Variants in SAMD12 observed in about 807,000 individuals in gnomAD.
The protein encoded by SAMD12 is sterile alpha motif domain containing 12, also known as sterile alpha motif domain-containing protein 12.
A neutral mutation model predicts 15.0 loss-of-function variants in SAMD12; 9 were observed. The observed-to-expected ratio is 0.60, with a 90% CI of 0.36 to 1.05. The LOEUF (loss-of-function observed/expected upper bound fraction) is 1.05, where lower values mean the gene tolerates loss of function less well. Among genes scored for constraint, SAMD12 ranks in the 50% least tolerant of loss-of-function variants. The probability of loss-of-function intolerance (pLI) is 0.01; values close to 1 mark genes in which losing one functional copy is unlikely to be tolerated. For missense variants in SAMD12, 230 were observed against 234.2 expected (o/e 0.98, Z 0.12); for synonymous variants, 86 against 90.1 (o/e 0.96, Z 0.25).
chr8:118,518,110 T>A (rs903635200), intron 2 of SAMD12, among the ~76,000 whole-genome samples: 1 of 152,214 alleles, frequency 6.6e-6, no homozygotes, highest in African/African-American at 2.4e-5. Context: ...GTGCCTTGTG[T>A]CTACCTCAAA....
intron 2 of SAMD12, among the ~76,000 whole-genome samples, chr8:118,531,517 G>A (rs1825683844): frequency 6.6e-6 from 1 of 152,264 alleles, no homozygotes; most frequent in South Asian, 2.1e-4. Context: ...ATTACCTTGG[G>A]CAGTATGGCC....
chr8:118,543,763 A>T (rs78831946), intron 2 of SAMD12, among the ~76,000 whole-genome samples: 1 of 151,782 alleles, frequency 6.6e-6, no homozygotes, highest in East Asian at 1.9e-4. Context: ...CTTCACCAAT[A>T]AAGTCTTCCT....
chr8:118,586,033 G>T (rs763463958), intron 1 of SAMD12, among the ~76,000 whole-genome samples: 3 of 152,152 alleles, frequency 2.0e-5, no homozygotes, highest in Non-Finnish European at 4.4e-5. Flanking sequence ...AAATTTTAAT[G>T]TTCCTCTATT....
At chr8:118,559,459 T>C (rs1377263972) in intron 2 of SAMD12, among the ~76,000 whole-genome samples, 1 of 152,232 alleles carries the variant, frequency 6.6e-6, no homozygotes, top group African/African-American at 2.4e-5. Context: ...ATTTGCAGTT[T>C]CCTTTTTGTT....
chr8:118,337,501 C>A (rs745801247), intron 4 of SAMD12, among the ~76,000 whole-genome samples: 3 of 152,158 alleles, frequency 2.0e-5, no homozygotes, highest in Non-Finnish European at 4.4e-5. Context: ...TTTTAGTTAC[C>A]TAGGGTCAAC....
intron 4 of SAMD12, among the ~76,000 whole-genome samples, chr8:118,217,507 C>G (rs28365492): frequency 6.6e-6 from 1 of 152,068 alleles, no homozygotes; most frequent in Non-Finnish European, 1.5e-5. Flanking sequence ...GAAGAAAAGA[C>G]AATATCTTTA....
the SAMD12 span, among the ~76,000 whole-genome samples, chr8:118,140,508 G>A: frequency 4.6e-5 from 7 of 152,134 alleles, no homozygotes; most frequent in Non-Finnish European, 8.8e-5. Context: ...CTGGACACCA[G>A]CAATCCTCCT....
intron 2 of SAMD12, among the ~76,000 whole-genome samples, chr8:118,547,200 G>C (rs1826155967): frequency 6.6e-6 from 1 of 152,158 alleles, no homozygotes; most frequent in South Asian, 2.1e-4. Context: ...ATGTTCCACA[G>C]GCACGTCTTT....
At chr8:118,291,243 T>A (rs1483733383) in intron 4 of SAMD12, 1 of 152,186 alleles carries the variant, frequency 6.6e-6, no homozygotes, top group Non-Finnish European at 1.5e-5. Flanking sequence ...ACCCTCAACT[T>A]CTTTCATTCG....
downstream of SAMD12, among the ~76,000 whole-genome samples, chr8:118,376,260 T>C (rs73325699): frequency 0.049 from 7,484 of 152,276 alleles, 596 homozygotes; most frequent in African/African-American, 0.17. Context: ...TGTTAAATAT[T>C]AATGCAATTG....
chr8:118,517,680 A>G (rs1450343733), intron 2 of SAMD12, among the ~76,000 whole-genome samples: 1 of 152,334 alleles, frequency 6.6e-6, no homozygotes, highest in South Asian at 2.1e-4. Flanking sequence ...AATCACACAC[A>G]CATTAGGTGG....
At chr8:118,453,677 T>C (rs979163831) in intron 2 of SAMD12, among the ~76,000 whole-genome samples, 1 of 152,012 alleles carries the variant, frequency 6.6e-6, no homozygotes, top group Non-Finnish European at 1.5e-5. Flanking sequence ...CATGCCCCCA[T>C]GCAGCTAATG....
At chr8:118,175,056 A>C in the SAMD12 span, among the ~76,000 whole-genome samples, 5 of 138,324 alleles carry the variant, frequency 3.6e-5, no homozygotes, top group Admixed American at 1.4e-4. Flanking sequence ...AACAAAAAAA[A>C]CAAACAAAAA....
At chr8:118,456,511 TCCATAATG>T (rs1363452294) in intron 2 of SAMD12, among the ~76,000 whole-genome samples, 3 of 152,244 alleles carry the variant, frequency 2.0e-5, no homozygotes, top group Non-Finnish European at 4.4e-5. Context: ...CTCTCCATTG[TCCATAATG>T]TTTCCTAATG....
chr8:118,420,045 A>C (rs1004336651), intron 3 of SAMD12, among the ~76,000 whole-genome samples: 3 of 152,210 alleles, frequency 2.0e-5, no homozygotes, highest in African/African-American at 7.2e-5. Context: ...CACTGCCCTC[A>C]AGGGTGGCAT....
At chr8:118,448,136 G>A (rs967973504) in intron 2 of SAMD12, among the ~76,000 whole-genome samples, 12 of 152,062 alleles carry the variant, frequency 7.9e-5, no homozygotes, top group African/African-American at 2.4e-4. Flanking sequence ...TTTCTTTGCT[G>A]GAATACCCTT....
chr8:118,359,370 T>C (rs536134319), intron 4 of SAMD12, among the ~76,000 whole-genome samples: 6 of 152,086 alleles, frequency 3.9e-5, no homozygotes, highest in Non-Finnish European at 8.8e-5. Flanking sequence ...AGCAAATCAA[T>C]TTCTGTTGTT....
exon 5 of SAMD12, chr8:118,197,677 T>A: frequency 6.3e-7 from 1 of 1,598,122 alleles, no homozygotes; most frequent in South Asian, 1.1e-5. Flanking sequence ...TCATATCAAC[T>A]GGCAGGACAG....
intron 4 of SAMD12, among the ~76,000 whole-genome samples, chr8:118,280,482 T>G (rs115761862): frequency 6.6e-6 from 1 of 152,062 alleles, no homozygotes; most frequent in African/African-American, 2.4e-5. Flanking sequence ...TCTGTATTAA[T>G]AGAAATATGG....
Sources: gnomAD v4.1 joint callset for allele counts (sites outside exome capture counted in the v4.1 genomes callset) on GRCh38, gnomAD v4.1.1 for gene constraint, MANE v1.5 for transcripts, NCBI Gene and HGNC (gene_info 2026-07-23, HGNC 2026-07-21) for gene names.